The following DCAF17 variants were observed in gnomAD, a reference collection of about 807,000 sequenced individuals.
The protein encoded by DCAF17 is DDB1 and CUL4 associated factor 17, also known as DDB1- and CUL4-associated factor 17.
DCAF17 carries 48 observed loss-of-function variants against 66.0 expected under a neutral mutation model. That is an observed-to-expected ratio of 0.73 (90% confidence interval 0.58 to 0.92). The LOEUF (loss-of-function observed/expected upper bound fraction) is 0.92. Ranked by LOEUF, DCAF17 falls within the 40% of genes least tolerant of loss-of-function variation. The pLI is 0.00. For synonymous variants in DCAF17, 206 were observed against 214.6 expected (o/e 0.96, Z 0.35); for missense variants, 562 against 622.8 (o/e 0.90, Z 1.04).
At chr2:171,466,340 A>T (rs1319494549) in intron 8 of DCAF17, among the ~76,000 whole-genome samples, 1 of 152,158 alleles carries the variant, frequency 6.6e-6, no homozygotes, top group Non-Finnish European at 1.5e-5. Flanking sequence ...GTATTATTTG[A>T]CCTTTCACAG....
At chr2:171,459,644 T>C (rs917968178) in intron 8 of DCAF17, among the ~76,000 whole-genome samples, 19 of 152,234 alleles carry the variant, frequency 1.2e-4, no homozygotes, top group African/African-American at 4.3e-4. Flanking sequence ...GAATTTTTTC[T>C]ATCATTTTTC....
At chr2:171,472,033 A>G (rs1344360949) in intron 9 of DCAF17, among the ~76,000 whole-genome samples, 1 of 152,114 alleles carries the variant, frequency 6.6e-6, no homozygotes, top group Non-Finnish European at 1.5e-5. Flanking sequence ...AAAAATAAAA[A>G]TAAATCATGG....
At chr2:171,479,808 G>GTT in intron 12 of DCAF17, 2 of 479,042 alleles carry the variant, frequency 4.2e-6, no homozygotes, top group Non-Finnish European at 7.6e-6. Flanking sequence ...CATAGACTTG[G>GTT]TTTTGTTTAT....
At chr2:171,469,107 T>G in intron 9 of DCAF17, 77 bp downstream of exon 9, 1 of 1,493,380 alleles carries the variant, frequency 6.7e-7, no homozygotes, top group African/African-American at 1.4e-5. Flanking sequence ...TAGGCCCACA[T>G]TCCTAAGAAT....
At chr2:171,437,604 T>C (rs1223916389) in intron 2 of DCAF17, among the ~76,000 whole-genome samples, 5 of 152,244 alleles carry the variant, frequency 3.3e-5, no homozygotes, top group Non-Finnish European at 7.3e-5. Context: ...CTTTAATAGA[T>C]ACAGACTTAT....
At chr2:171,480,233 C>T (rs2105813444) in intron 13 of DCAF17, 40 bp downstream of exon 13, 2 of 1,606,826 alleles carry the variant, frequency 1.2e-6, no homozygotes, top group Non-Finnish European at 1.7e-6. Context: ...TAAACCTTTC[C>T]TTTATAGGTG....
intron 8 of DCAF17, among the ~76,000 whole-genome samples, chr2:171,465,547 G>A (rs368831169): frequency 9.2e-5 from 14 of 152,170 alleles, no homozygotes; most frequent in Admixed American, 3.3e-4. Context: ...GCAGTGGCGC[G>A]ATCTCAGCTG....
chr2:171,452,967 T>G (rs1179149792), intron 5 of DCAF17, among the ~76,000 whole-genome samples, 157 bp from the exon 6 acceptor site: 2 of 152,236 alleles, frequency 1.3e-5, no homozygotes, highest in Non-Finnish European at 2.9e-5. Flanking sequence ...GCCCTTCCAT[T>G]TAAGTAACTT....
intron 6 of DCAF17, among the ~76,000 whole-genome samples, chr2:171,454,618 C>T (rs999221272): frequency 1.3e-5 from 2 of 152,000 alleles, no homozygotes; most frequent in African/African-American, 2.4e-5. Context: ...TTGAATTGGC[C>T]TGGTGCAGTG....
intron 12 of DCAF17, 96 bp from the exon 13 acceptor site, chr2:171,479,942 A>T: frequency 7.3e-7 from 1 of 1,361,972 alleles, no homozygotes; most frequent in Admixed American, 1.9e-5. Flanking sequence ...ATATTTTTGT[A>T]AGTAATAGAA....
chr2:171,455,035 A>G (rs1016558381), intron 6 of DCAF17, among the ~76,000 whole-genome samples: 2 of 151,846 alleles, frequency 1.3e-5, no homozygotes, highest in African/African-American at 4.8e-5. Context: ...TTATATAGAT[A>G]AACATGTGTC....
intron 10 of DCAF17, 84 bp downstream of exon 10, chr2:171,474,059 T>A: frequency 9.1e-7 from 1 of 1,102,574 alleles, no homozygotes. Flanking sequence ...AGCGAACTAG[T>A]GAGCCAATTA....
chr2:171,450,902 A>G (rs1162343954), intron 5 of DCAF17, among the ~76,000 whole-genome samples: 1 of 152,126 alleles, frequency 6.6e-6, no homozygotes, highest in Admixed American at 6.6e-5. Context: ...CTTATCCAGC[A>G]TCATAGTGTT....
At chr2:171,441,775 G>A (rs941557431) in intron 2 of DCAF17, among the ~76,000 whole-genome samples, 1 of 152,178 alleles carries the variant, frequency 6.6e-6, no homozygotes, top group Non-Finnish European at 1.5e-5. Flanking sequence ...AGGTTTTCTT[G>A]AATAAATGTT....
In DCAF17 at chr2:171,483,810, A is replaced by G; in HGVS notation, c.*2696A>G. ...TACAAATGAGGAAAGTGAGGCTCAC[A>G]GAAGTTAATTGGCCCAGGGTCCCAC... On this transcript the variant is annotated 3_prime_UTR_variant, in exon 14 of 14. Coordinates refer to ENST00000375255, the MANE Select transcript of DCAF17 (RefSeq NM_025000.4). 1 of 454,120 alleles carries G rather than the reference A, an allele frequency of 2.2e-6. No homozygotes were observed. The highest frequency in any genetic ancestry group is 4.4e-6 in the Non-Finnish European group (1 of 226,798). The allele number at this position is 454,120 out of a possible 1,614,324, so 28.1% of individuals were successfully genotyped here.
chr2:171,474,861 C>T (rs1478253434), intron 10 of DCAF17, among the ~76,000 whole-genome samples: 1 of 152,188 alleles, frequency 6.6e-6, no homozygotes, highest in Non-Finnish European at 1.5e-5. Context: ...TCATCTTGGC[C>T]AGGTCACTGT....
At position 171,481,928 on chromosome 2, in the gene DCAF17, T is replaced by C. The variant is rs1297544579; in HGVS notation, c.*814T>C. The C allele has an allele frequency of 6.6e-6, 3 of 453,970 alleles. No individual in the cohort carries two copies. Among genetic ancestry groups the C allele is most frequent in the East Asian group, 1.4e-4 (2 of 14,404 alleles). The allele number at this position is 453,970 out of a possible 1,614,324, so 28.1% of individuals were successfully genotyped here. ...TGTTTAGGCAATATTTGCATACTTA[T>C]GCAATAAGATAAAGGTACCCTTGCC... On this transcript the variant is annotated 3_prime_UTR_variant, in exon 14 of 14. Coordinates refer to ENST00000375255, the MANE Select transcript of DCAF17 (RefSeq NM_025000.4).
rs375769963 is a variant in DCAF17 at position 171,441,447 on chromosome 2, C to G, written c.231-2076C>G. On this transcript the variant is annotated intron_variant, in intron 2 of 13. Transcript: ENST00000375255. ...AGGCCAGTTAGGGCCTCAGTATCCT[C>G]AGCTGTGCTACATCCAAGGTAGATC... Among the ~76,000 whole-genome samples, 107 of 152,276 alleles carry G rather than the reference C, an allele frequency of 7.0e-4. No individual in the cohort carries two copies. The South Asian group carries it at 0.022, about 31-fold the overall frequency.
intron 9 of DCAF17, among the ~76,000 whole-genome samples, chr2:171,470,521 C>T (rs1696184481): frequency 6.6e-6 from 1 of 152,088 alleles, no homozygotes; most frequent in African/African-American, 2.4e-5. Context: ...GCATTGTTCC[C>T]TTCCATTTCC....
Sources: allele counts gnomAD v4.1 joint callset (sites outside exome capture counted in the v4.1 genomes callset), GRCh38; gene constraint gnomAD v4.1.1; transcripts MANE v1.5; gene names NCBI Gene and HGNC (gene_info 2026-07-23, HGNC 2026-07-21).